Variants in EXOC4 observed in about 807,000 individuals in gnomAD.
EXOC4 encodes the protein SEC8-like 1.
In EXOC4, 71 loss-of-function variants were observed where a neutral mutation model predicts 107.2. The ratio of observed to expected loss-of-function variants is 0.66; its 90% CI spans 0.55 to 0.81. EXOC4 has a LOEUF of 0.81. EXOC4 is among the 30% of genes least tolerant of loss of function. EXOC4 has a pLI of 0.00. For missense variants in EXOC4, 1,108 were observed against 1,189.6 expected (o/e 0.93, Z 1.01); for synonymous variants, 456 against 441.2 (o/e 1.03, Z -0.42).
chr7:133,650,467 T>A (rs1803115489), intron 10 of EXOC4, among the ~76,000 whole-genome samples: 1 of 152,198 alleles, frequency 6.6e-6, no homozygotes. Context: ...CTTAGTCAAT[T>A]TTTAATCTTC....
At chr7:133,664,945 T>A (rs1488301641) in intron 10 of EXOC4, among the ~76,000 whole-genome samples, 2 of 152,198 alleles carry the variant, frequency 1.3e-5, no homozygotes. Flanking sequence ...TTCTTTGTTT[T>A]GTAAGTACAT....
At chr7:133,373,830 A>G (rs1024699657) in intron 6 of EXOC4, among the ~76,000 whole-genome samples, 5 of 152,236 alleles carry the variant, frequency 3.3e-5, no homozygotes, top group Admixed American at 2.0e-4. Context: ...GCTCTTAAGT[A>G]TTCAGAGATG....
Position 133,950,415 on chromosome 7 carries a change from C to A in EXOC4, c.2206+12346C>A, listed in dbSNP as rs141858280. ...ATTTTAAAAGATCTGTATACTTTACCCAAGCTTTGGACCACGATAAGACAG... is the reference window on the plus strand; with the variant it reads ...ATTTTAAAAGATCTGTATACTTTACACAAGCTTTGGACCACGATAAGACAG... On this transcript the variant is annotated intron_variant, in intron 14 of 17. Transcript: ENST00000253861. 4.0e-3 allele frequency among the ~76,000 whole-genome samples: 601 copies of A among 152,130 alleles called. 1 individual carries two copies. The highest frequency in any genetic ancestry group is 0.01 in the Middle Eastern group (3 of 294).
rs1416898186 is a variant in EXOC4, at chr7:134,007,841, A to C, written c.2687+6A>C. 1 of 1,608,748 alleles carries C rather than the reference A, an allele frequency of 6.2e-7. No individual in the cohort carries two copies. The highest frequency in any genetic ancestry group is 1.1e-5 in the South Asian group (1 of 90,314). Reference sequence around the variant, plus strand: ...GCAGACCTGGACTTTGCAAGGTAGGAGGGAAAACTGGGTTTAGTTTCTTAT... The same window carrying C: ...GCAGACCTGGACTTTGCAAGGTAGGCGGGAAAACTGGGTTTAGTTTCTTAT... On this transcript the variant is annotated splice_donor_region_variant and intron_variant, in intron 17 of 17. Transcript: ENST00000253861.
At chr7:133,287,450 A>G (rs781475588) in intron 2 of EXOC4, among the ~76,000 whole-genome samples, 4 of 152,076 alleles carry the variant, frequency 2.6e-5, no homozygotes, top group Admixed American at 2.0e-4. Context: ...AGCTGGGACT[A>G]TAGGCACCCG....
intron 7 of EXOC4, among the ~76,000 whole-genome samples, chr7:133,424,168 G>A (rs1429016678): frequency 2.0e-5 from 3 of 152,086 alleles, no homozygotes; most frequent in African/African-American, 4.8e-5. Context: ...AACCTGGTGG[G>A]GTCACCTTCC....
chr7:133,803,188 G>T (rs892931685), intron 10 of EXOC4, among the ~76,000 whole-genome samples: 1 of 151,994 alleles, frequency 6.6e-6, no homozygotes, highest in Non-Finnish European at 1.5e-5. Flanking sequence ...AAATTTTTTC[G>T]CAAGTTTTAT....
chr7:133,767,930 C>A (rs1429228446), intron 10 of EXOC4, among the ~76,000 whole-genome samples: 1 of 151,968 alleles, frequency 6.6e-6, no homozygotes, highest in African/African-American at 2.4e-5. Context: ...ATTCTAGATT[C>A]GGTTAAAGTA....
intron 11 of EXOC4, among the ~76,000 whole-genome samples, chr7:133,830,319 C>T (rs767220119): frequency 4.6e-5 from 7 of 152,338 alleles, no homozygotes; most frequent in East Asian, 1.9e-4. Context: ...TGGCTTCTGA[C>T]GCTTTACCAG....
intron 9 of EXOC4, among the ~76,000 whole-genome samples, chr7:133,496,613 TA>T (rs1191079876): frequency 6.6e-6 from 1 of 152,210 alleles, no homozygotes; most frequent in Non-Finnish European, 1.5e-5. Context: ...AGGTGGAAGA[TA>T]AAGGTATCTC....
intron 17 of EXOC4, among the ~76,000 whole-genome samples, chr7:134,018,099 T>C (rs753130054): frequency 4.6e-5 from 7 of 152,200 alleles, no homozygotes; most frequent in Non-Finnish European, 1.0e-4. Flanking sequence ...GTATTCATCA[T>C]AGTTAGTTAA....
chr7:133,461,228 C>T (rs1302664419), intron 7 of EXOC4, among the ~76,000 whole-genome samples: 1 of 152,106 alleles, frequency 6.6e-6, no homozygotes, highest in Non-Finnish European at 1.5e-5. Context: ...TTGTGGACTC[C>T]TTAAAGAACA....
intron 10 of EXOC4, among the ~76,000 whole-genome samples, chr7:133,771,739 G>A (rs529687280): frequency 7.9e-5 from 12 of 151,896 alleles, no homozygotes; most frequent in South Asian, 2.1e-4. Flanking sequence ...AGATTGCCTC[G>A]GCAGAAGATG....
intron 7 of EXOC4, among the ~76,000 whole-genome samples, chr7:133,400,201 C>G (rs1797059303): frequency 6.6e-6 from 1 of 152,082 alleles, no homozygotes; most frequent in Non-Finnish European, 1.5e-5. Context: ...TACGGTTGGT[C>G]CTAAAATTTA....
At chr7:133,984,904 A>AT (rs2116929882) in intron 14 of EXOC4, among the ~76,000 whole-genome samples, 1 of 152,284 alleles carries the variant, frequency 6.6e-6, no homozygotes, top group East Asian at 1.9e-4. Flanking sequence ...TGCAAGAATA[A>AT]ATTATATTCC....
At chr7:133,703,090 C>CT (rs550049462) in intron 10 of EXOC4, among the ~76,000 whole-genome samples, 2 of 152,168 alleles carry the variant, frequency 1.3e-5, no homozygotes, top group African/African-American at 4.8e-5. Flanking sequence ...GGAGATCAGA[C>CT]TTTTTTTTCT....
At chr7:134,020,080 G>A (rs954266314) in intron 17 of EXOC4, among the ~76,000 whole-genome samples, 6 of 152,254 alleles carry the variant, frequency 3.9e-5, no homozygotes, top group Admixed American at 2.6e-4. Context: ...AAATTAGCAC[G>A]TCATCAACAG....
chr7:133,667,324 C>T (rs1469738279), intron 10 of EXOC4, among the ~76,000 whole-genome samples: 1 of 151,036 alleles, frequency 6.6e-6, no homozygotes, highest in South Asian at 2.1e-4. Context: ...CTGACACTCA[C>T]ATCCATCATT....
At chr7:133,578,261 C>T (rs773253674) in intron 9 of EXOC4, among the ~76,000 whole-genome samples, 5 of 151,982 alleles carry the variant, frequency 3.3e-5, no homozygotes, top group Non-Finnish European at 5.9e-5. Context: ...TATGAATGTA[C>T]CTGACTATCC....
Sources: allele counts gnomAD v4.1 joint callset (sites outside exome capture counted in the v4.1 genomes callset), GRCh38; gene constraint gnomAD v4.1.1; transcripts MANE v1.5; gene names NCBI Gene and HGNC (gene_info 2026-07-23, HGNC 2026-07-21).